The following PHC2 variants were observed in gnomAD, a reference collection of about 807,000 sequenced individuals.
PHC2 encodes polyhomeotic-like protein 2.
Under a neutral mutation model 87.4 loss-of-function variants are expected in PHC2, and 29 were observed. The ratio of observed to expected loss-of-function variants is 0.33; its 90% confidence interval spans 0.25 to 0.45. The LOEUF is 0.45. PHC2 is among the 20% of genes least tolerant of loss of function. The probability of loss-of-function intolerance (pLI) is 1.00; values close to 1 mark genes in which losing one functional copy is unlikely to be tolerated. For synonymous variants in PHC2, 438 were observed against 461.7 expected (o/e 0.95, Z 0.66); for missense variants, 857 against 1,136.7 (o/e 0.75, Z 3.54).
chr1:33,421,646 G>A (rs1324408661), intron 1 of PHC2, among the ~76,000 whole-genome samples: 2 of 152,186 alleles, frequency 1.3e-5, no homozygotes, highest in Non-Finnish European at 2.9e-5. Context: ...TTGTGTTTAG[G>A]ACAAATAAAA....
At chr1:33,357,263 T>C (rs1352979964) in intron 7 of PHC2, among the ~76,000 whole-genome samples, 1 of 152,178 alleles carries the variant, frequency 6.6e-6, no homozygotes, top group Non-Finnish European at 1.5e-5. Context: ...ACGTTTTAAA[T>C]GGATCCTGTG....
chr1:33,386,806 A>G (rs946396259), intron 1 of PHC2, among the ~76,000 whole-genome samples: 3 of 152,102 alleles, frequency 2.0e-5, no homozygotes, highest in East Asian at 1.9e-4. Flanking sequence ...CAGTGTGCGC[A>G]CACACACCCT....
rs1164480751 is a variant in PHC2 at position 33,369,625 on chromosome 1, C to T, written c.576+796G>A. On this transcript the variant is annotated intron_variant, in intron 5 of 14. Coordinates refer to ENST00000683057, the MANE Select transcript of PHC2 (RefSeq NM_001385109.1). This position sits in a 1 kb window ranked among gnomAD's most constrained non-coding sequence, Gnocchi z 4.7. ...TGCGGGAGCAAGACCAGACAAGCTC[C>T]GAGGGTCACGTCCTGGCCATAAGAG... Among the ~76,000 whole-genome samples the T allele has an allele frequency of 1.3e-5, 2 of 152,100 alleles. No homozygotes were observed. Among genetic ancestry groups the T allele is most frequent in the African/African-American group, 2.4e-5 (1 of 41,388 alleles).
In PHC2 at chr1:33,329,101, T is replaced by A. The variant is rs1317039997; in HGVS notation, c.2194A>T (p.Thr732Ser). Residue 732 changes from threonine to serine, a missense_variant, in exon 14 of 15, where the codon ACA becomes TCA. Transcript: ENST00000683057. The part of the protein sequence containing the change: ...PLSVTAALQL[T>S]HSQEDSSRCS... ...CGGCTGGAGTCTTCCTGGCTGTGTG[T>A]TAGCTGCAAAGCAGCAGTAACCGAA... 1.9e-6 allele frequency: 3 copies of A among 1,614,074 alleles called. No individual in the cohort carries two copies. The highest frequency in any genetic ancestry group is 1.7e-5 in the Admixed American group (1 of 60,014).
intron 1 of PHC2, 73 bp from the exon 2 acceptor site, chr1:33,375,666 G>T: frequency 1.0e-6 from 1 of 962,104 alleles, no homozygotes; most frequent in Non-Finnish European, 1.5e-6. Context: ...TCAGCCTTTT[G>T]TATCTGTGGG....
intron 2 of PHC2, 97 bp from the exon 3 acceptor site, chr1:33,372,544 G>T: frequency 9.1e-7 from 1 of 1,103,338 alleles, no homozygotes; most frequent in Admixed American, 3.5e-5. Context: ...CTCTATAACT[G>T]CTCGGGAGAC....
At chr1:33,404,233 T>C (rs1344962688) in intron 1 of PHC2, among the ~76,000 whole-genome samples, 3 of 152,352 alleles carry the variant, frequency 2.0e-5, no homozygotes, top group Middle Eastern at 3.4e-3. Context: ...TTTACTTGAT[T>C]AAAACAAATA....
intron 1 of PHC2, among the ~76,000 whole-genome samples, chr1:33,379,897 C>T (rs574188142): frequency 2.0e-5 from 3 of 152,212 alleles, no homozygotes; most frequent in African/African-American, 4.8e-5. Context: ...CCCAAGTGCC[C>T]GCACCCTTGC....
At chr1:33,378,065 A>G (rs768051408) in intron 1 of PHC2, among the ~76,000 whole-genome samples, 34 of 152,208 alleles carry the variant, frequency 2.2e-4, no homozygotes, top group Non-Finnish European at 4.3e-4. Flanking sequence ...CTTGTCCATG[A>G]ATTAATTCCC....
chr1:33,343,315 A>AT, intron 9 of PHC2, among the ~76,000 whole-genome samples: 1 of 124,358 alleles, frequency 8.0e-6, no homozygotes, highest in African/African-American at 2.5e-5. Flanking sequence ...ACAAAAAAAA[A>AT]AATAAATAAC....
At chr1:33,390,371 CT>C (rs2148360248) in intron 1 of PHC2, among the ~76,000 whole-genome samples, 1 of 152,294 alleles carries the variant, frequency 6.6e-6, no homozygotes, top group African/African-American at 2.4e-5. Context: ...CATCTAGTTA[CT>C]AGAGTAAATT....
chr1:33,407,087 T>C (rs568625893), intron 1 of PHC2, among the ~76,000 whole-genome samples: 5 of 152,356 alleles, frequency 3.3e-5, no homozygotes, highest in Admixed American at 3.3e-4. Flanking sequence ...TTGATGGTTA[T>C]ATTTTTCACT....
In PHC2 at chr1:33,354,818, C is replaced by T; in HGVS notation, c.1392+20G>A. 1 of 1,607,104 alleles carries T rather than the reference C, an allele frequency of 6.2e-7. No homozygotes were observed. Among genetic ancestry groups the T allele is most frequent in the Non-Finnish European group, 8.5e-7 (1 of 1,175,862 alleles). On this transcript the variant is annotated intron_variant, in intron 8 of 14. Transcript: ENST00000683057. ...TGGCCACCCCGTGTGCTCCCTGGACCTTGGGGCTGGCTTACTCACCACTGG... is the reference window on the plus strand; with the variant it reads ...TGGCCACCCCGTGTGCTCCCTGGACTTTGGGGCTGGCTTACTCACCACTGG...
chr1:33,417,006 A>C (rs1246474889), intron 1 of PHC2, among the ~76,000 whole-genome samples: 1 of 152,160 alleles, frequency 6.6e-6, no homozygotes, highest in East Asian at 1.9e-4. Context: ...GAAAAATGGA[A>C]GTATATAGTT....
At position 33,349,496 on chromosome 1, in the gene PHC2, G is replaced by C. The variant is rs1646915748; in HGVS notation, c.1558+4905C>G. ...ACGGCCTGGCAGCCGCGTAGGCCCGGGCCGTTAGGGGCACCGAGGGCGGTG... is the reference window on the plus strand; with the variant it reads ...ACGGCCTGGCAGCCGCGTAGGCCCGCGCCGTTAGGGGCACCGAGGGCGGTG... On this transcript the variant is annotated intron_variant, in intron 9 of 14. Transcript: ENST00000683057. The surrounding 1 kb of genome is among the most constrained non-coding windows in gnomAD (Gnocchi z 4.2). 2 of 985,126 alleles carry C rather than the reference G, an allele frequency of 2.0e-6. No individual in the cohort carries two copies. Among genetic ancestry groups the C allele is most frequent in the Non-Finnish European group, 2.4e-6 (2 of 829,864 alleles). 61.0% of individuals were successfully genotyped at this position (985,126 alleles called of 1,614,324 possible). A position where few individuals can be genotyped will look rare whatever the true frequency, so the allele number is the denominator to read the frequency against.
chr1:33,362,819 T>C (rs1647231072), intron 7 of PHC2, among the ~76,000 whole-genome samples: 1 of 152,220 alleles, frequency 6.6e-6, no homozygotes, highest in African/African-American at 2.4e-5. Flanking sequence ...TTTAAACTCT[T>C]GTTCATCTCT....
chr1:33,419,962 A>AC (rs754083444), intron 1 of PHC2, among the ~76,000 whole-genome samples: 1 of 151,608 alleles, frequency 6.6e-6, no homozygotes, highest in Non-Finnish European at 1.5e-5. Flanking sequence ...CCCAGATATA[A>AC]CCCCCCCATG....
chr1:33,399,141 G>A lies in PHC2; in HGVS notation c.-54-23548C>T, dbSNP rs569721818. Among the ~76,000 whole-genome samples the A allele has an allele frequency of 5.3e-5, 8 of 152,302 alleles. No individual in the cohort carries two copies. The East Asian group carries it at 1.5e-3, about 29-fold the overall frequency. ...CCTGAATAGGATCCACCTCTGTCCT[G>A]CATTATGAGTGTGACTAGGACAAGG... On this transcript the variant is annotated intron_variant, in intron 1 of 14. Transcript: ENST00000683057.
intron 1 of PHC2, among the ~76,000 whole-genome samples, chr1:33,381,015 C>T (rs1648465016): frequency 6.6e-6 from 1 of 152,126 alleles, no homozygotes; most frequent in Non-Finnish European, 1.5e-5. Context: ...AAATGCCTTC[C>T]TTCAATTTTT....
Sources: allele counts gnomAD v4.1 joint callset (sites outside exome capture counted in the v4.1 genomes callset), GRCh38; gene constraint gnomAD v4.1.1; non-coding constraint Gnocchi (gnomAD v3.1); transcripts MANE v1.5; gene names NCBI Gene and HGNC (gene_info 2026-07-23, HGNC 2026-07-21).